The following RABGAP1L variants were observed in gnomAD, a reference collection of about 807,000 sequenced individuals.
RABGAP1L encodes RAB GTPase activating protein 1 like.
Under a neutral mutation model 137.7 loss-of-function variants are expected in RABGAP1L, and 63 were observed. That is an observed-to-expected ratio of 0.46 (90% CI 0.37 to 0.56). RABGAP1L has a LOEUF of 0.56. RABGAP1L is among the 20% of genes least tolerant of loss of function. RABGAP1L has a pLI of 0.00. For missense variants in RABGAP1L, 1,095 were observed against 1,244.0 expected, an observed-to-expected ratio of 0.88 and a Z score of 1.80; for synonymous variants, 431 against 433.7, an observed-to-expected ratio of 0.99 and a Z score of 0.08.
intron 13 of RABGAP1L, among the ~76,000 whole-genome samples, chr1:174,422,944 CCAA>C (rs1390146687): frequency 1.2e-5 from 1 of 85,860 alleles, no homozygotes; most frequent in Non-Finnish European, 2.1e-5. Context: ...GAGATTCTGT[CCAA>C]AAAAAAAAAA....
At chr1:174,197,409 A>G (rs1163771878) in intron 1 of RABGAP1L, among the ~76,000 whole-genome samples, 1 of 144,684 alleles carries the variant, frequency 6.9e-6, no homozygotes, top group African/African-American at 2.6e-5. Flanking sequence ...CTTAATCATG[A>G]TGGTCAGTAG....
At chr1:174,159,724 T>G (rs932440172) in intron 1 of RABGAP1L, 67 bp downstream of exon 1, 3 of 152,468 alleles carry the variant, frequency 2.0e-5, no homozygotes, top group African/African-American at 7.2e-5. Context: ...GGGCCGAGGC[T>G]GCCTGGGTGT....
intron 19 of RABGAP1L, among the ~76,000 whole-genome samples, chr1:174,847,404 C>G (rs1694190083): frequency 6.6e-6 from 1 of 151,206 alleles, no homozygotes; most frequent in African/African-American, 2.4e-5. Flanking sequence ...CCTTCAGGAG[C>G]TCTTTTAGGG....
At chr1:174,802,007 C>T (rs1688803662) in intron 18 of RABGAP1L, among the ~76,000 whole-genome samples, 1 of 152,154 alleles carries the variant, frequency 6.6e-6, no homozygotes, top group African/African-American at 2.4e-5. Context: ...TTTACATTTT[C>T]AGTGTTTTGA....
intron 10 of RABGAP1L, among the ~76,000 whole-genome samples, chr1:174,300,313 G>T (rs1035180653): frequency 6.6e-6 from 1 of 151,318 alleles, no homozygotes; most frequent in Non-Finnish European, 1.5e-5. Context: ...ATCTCCTGAG[G>T]TCGGGAGTTT....
rs182738452 is a variant in RABGAP1L, at chr1:174,898,187, G to C, written c.2341-59270G>C. Among the ~76,000 whole-genome samples, 431 of 152,192 alleles carry C rather than the reference G, an allele frequency of 2.8e-3. 4 individuals carry two copies. Among genetic ancestry groups the C allele is most frequent in the African/African-American group, 9.9e-3 (413 of 41,538 alleles). ...GTTTCATCTTAATAGCACTAATACA[G>C]ACACAAAATAAAATGATAGTTTGAT... On this transcript the variant is annotated intron_variant, in intron 19 of 25. Coordinates refer to ENST00000681986, the MANE Select transcript of RABGAP1L (RefSeq NM_001366446.1).
At chr1:174,962,983 C>T (rs1669299178) in intron 20 of RABGAP1L, among the ~76,000 whole-genome samples, 2 of 152,016 alleles carry the variant, frequency 1.3e-5, no homozygotes, top group South Asian at 2.1e-4. Context: ...CCTGTAGTCC[C>T]AGCTACTCAG....
At chr1:174,454,882 G>A (rs991044065) in intron 13 of RABGAP1L, among the ~76,000 whole-genome samples, 22 of 152,138 alleles carry the variant, frequency 1.4e-4, no homozygotes, top group African/African-American at 5.1e-4. Context: ...ATCATTCATG[G>A]CACCTTTCTG....
rs1666487378 is a variant in RABGAP1L at position 174,551,005 on chromosome 1, T to TATATAC, written c.1711-86365_1711-86364insCATATA. Among the ~76,000 whole-genome samples the TATATAC allele has an allele frequency of 2.4e-5, 3 of 123,292 alleles. 1 individual carries two copies. The highest frequency in any genetic ancestry group is 1.1e-4 in the African/African-American group (3 of 26,810). The allele number at this position is 123,292 out of a possible 152,430, so 80.9% of individuals were successfully genotyped here. On this transcript the variant is annotated intron_variant, in intron 13 of 25. Transcript: ENST00000681986. ...ATACATATATATATATACACATATA[T>TATATAC]ATATATATATATATATACATACACA...
intron 13 of RABGAP1L, among the ~76,000 whole-genome samples, chr1:174,567,301 C>T (rs1430133957): frequency 6.6e-6 from 1 of 152,102 alleles, no homozygotes; most frequent in East Asian, 1.9e-4. Context: ...CCTTATTTCA[C>T]TAAGCATAAT....
intron 19 of RABGAP1L, among the ~76,000 whole-genome samples, chr1:174,949,923 G>T (rs768833762): frequency 6.6e-6 from 1 of 152,144 alleles, no homozygotes; most frequent in African/African-American, 2.4e-5. Context: ...GGCAAATAAA[G>T]TACAAATCAG....
Position 174,327,984 on chromosome 1 carries a change from C to CATATAT in RABGAP1L, c.1465+22858_1465+22859insTATATA, listed in dbSNP as rs1314813386. On this transcript the variant is annotated intron_variant, in intron 11 of 25. Coordinates refer to ENST00000681986, the MANE Select transcript of RABGAP1L (RefSeq NM_001366446.1). ...ATATATATATATATATATATACACA[C>CATATAT]ACATATATATATATATATATATATA... 6.5e-3 allele frequency among the ~76,000 whole-genome samples: 244 copies of CATATAT among 37,772 alleles called. 7 individuals carry two copies. The highest frequency in any genetic ancestry group is 0.013 in the African/African-American group (122 of 9,152). The allele number at this position is 37,772 out of a possible 152,430, so 24.8% of individuals were successfully genotyped here. A position where few individuals can be genotyped will look rare whatever the true frequency, so the allele number is the denominator to read the frequency against.
At chr1:174,716,570 A>C (rs1376250600) in intron 17 of RABGAP1L, among the ~76,000 whole-genome samples, 2 of 152,226 alleles carry the variant, frequency 1.3e-5, no homozygotes, top group Non-Finnish European at 2.9e-5. Flanking sequence ...TTTGTTAAAA[A>C]AGAGGCATAA....
chr1:174,473,310 A>G (rs1046245447), intron 13 of RABGAP1L, among the ~76,000 whole-genome samples: 1 of 152,174 alleles, frequency 6.6e-6, no homozygotes, highest in African/African-American at 2.4e-5. Context: ...GGTGTGCAGA[A>G]TTCCTCATGT....
At chr1:174,841,483 A>G (rs1263933893) in intron 19 of RABGAP1L, among the ~76,000 whole-genome samples, 2 of 152,120 alleles carry the variant, frequency 1.3e-5, no homozygotes, top group African/African-American at 4.8e-5. Flanking sequence ...ACTTATCTTA[A>G]TGAAGAAAGA....
At chr1:174,571,959 C>T (rs868672273) in intron 13 of RABGAP1L, among the ~76,000 whole-genome samples, 6 of 152,276 alleles carry the variant, frequency 3.9e-5, no homozygotes, top group Admixed American at 2.0e-4. Flanking sequence ...TCTTTAGGAA[C>T]GCCTCACAAA....
At chr1:174,794,663 A>AT (rs1688110327) in intron 18 of RABGAP1L, among the ~76,000 whole-genome samples, 1 of 152,076 alleles carries the variant, frequency 6.6e-6, no homozygotes, top group Non-Finnish European at 1.5e-5. Context: ...TTACTCTTGG[A>AT]TTTTTGTCTA....
At chr1:174,611,982 A>G (rs1241263066) in intron 13 of RABGAP1L, among the ~76,000 whole-genome samples, 4 of 152,232 alleles carry the variant, frequency 2.6e-5, no homozygotes, top group African/African-American at 9.6e-5. Flanking sequence ...TTCTAGATAT[A>G]CAATCATGTC....
intron 17 of RABGAP1L, among the ~76,000 whole-genome samples, chr1:174,739,810 T>C (rs544083552): frequency 4.5e-4 from 68 of 152,210 alleles, no homozygotes; most frequent in Non-Finnish European, 8.7e-4. Context: ...GGATTAATAT[T>C]TTTACAGTTG....
Sources: allele counts gnomAD v4.1 joint callset (sites outside exome capture counted in the v4.1 genomes callset), GRCh38; gene constraint gnomAD v4.1.1; transcripts MANE v1.5; gene names NCBI Gene and HGNC (gene_info 2026-07-23, HGNC 2026-07-21).